The following DIAPH2 variants were observed in gnomAD, a reference collection of about 807,000 sequenced individuals.
DIAPH2 encodes protein diaphanous homolog 2.
In DIAPH2, 35 loss-of-function variants were observed where a neutral mutation model predicts 92.7. The ratio of observed to expected loss-of-function variants is 0.38; its 90% CI spans 0.29 to 0.50. The LOEUF (loss-of-function observed/expected upper bound fraction) is 0.50. Ranked by LOEUF, DIAPH2 falls within the 20% of genes least tolerant of loss-of-function variation. The probability of loss-of-function intolerance (pLI) is 0.94; values close to 1 mark genes in which losing one functional copy is unlikely to be tolerated. For synonymous variants in DIAPH2, 301 were observed against 280.4 expected (o/e 1.07, Z -0.73); for missense variants, 701 against 819.5 (o/e 0.86, Z 1.77).
intron 1 of DIAPH2, among the ~76,000 whole-genome samples, chrX:96,695,109 G>A (rs5949976): frequency 9.0e-6 from 1 of 110,808 alleles, no homozygotes; most frequent in Admixed American, 9.6e-5. Flanking sequence ...CACCCCACCC[G>A]GCTAATTTTT....
At chrX:97,480,163 T>G (rs889348961) in intron 26 of DIAPH2, among the ~76,000 whole-genome samples, 1 of 111,408 alleles carries the variant, frequency 9.0e-6, no homozygotes, top group African/African-American at 3.3e-5. Context: ...TGGATGAGGG[T>G]GCACCCTAAA....
intron 26 of DIAPH2, chrX:97,528,710 A>G (rs1298950906): frequency 3.6e-5 from 4 of 111,751 alleles, no homozygotes; most frequent in Non-Finnish European, 5.6e-5. Context: ...AAATTTCAAC[A>G]TGAGGTTTGG....
intron 23 of DIAPH2, among the ~76,000 whole-genome samples, chrX:97,265,262 T>C (rs1203416650): frequency 9.0e-6 from 1 of 111,672 alleles, no homozygotes; most frequent in Non-Finnish European, 1.9e-5. Context: ...AATCTAGTCA[T>C]TGCATGCAGA....
At chrX:97,484,443 A>G (rs2070673475) in intron 26 of DIAPH2, among the ~76,000 whole-genome samples, 1 of 112,507 alleles carries the variant, frequency 8.9e-6, no homozygotes, top group Admixed American at 9.4e-5. Context: ...GGTGATTCTA[A>G]TATCAATACA....
intron 3 of DIAPH2, among the ~76,000 whole-genome samples, chrX:96,750,825 G>C (rs1417664836): frequency 8.9e-6 from 1 of 112,473 alleles, no homozygotes; most frequent in Non-Finnish European, 1.9e-5. Context: ...CGTGTCTTCT[G>C]ATACGTCAGT....
chrX:97,125,766 G>C (rs1292488401), intron 21 of DIAPH2, among the ~76,000 whole-genome samples: 1 of 111,853 alleles, frequency 8.9e-6, no homozygotes, highest in African/African-American at 3.2e-5. Context: ...AATTAATGCT[G>C]TGTCACAGCT....
At chrX:97,420,605 G>A (rs1333622046) in intron 25 of DIAPH2, among the ~76,000 whole-genome samples, 1 of 111,854 alleles carries the variant, frequency 8.9e-6, no homozygotes, top group Non-Finnish European at 1.9e-5. Flanking sequence ...CTCTCTAACC[G>A]ACATTTTCCC....
At chrX:97,394,739 G>T (rs898540909) in intron 25 of DIAPH2, among the ~76,000 whole-genome samples, 7 of 112,098 alleles carry the variant, frequency 6.2e-5, no homozygotes, top group Non-Finnish European at 9.4e-5. Flanking sequence ...TGGGATAAAA[G>T]ATATTGAGAT....
At chrX:96,794,780 C>G (rs1284362793) in intron 4 of DIAPH2, among the ~76,000 whole-genome samples, 1 of 111,973 alleles carries the variant, frequency 8.9e-6, no homozygotes, top group Non-Finnish European at 1.9e-5. Flanking sequence ...AATTCATTGT[C>G]TCATAGTCCT....
chrX:96,987,005 A>AT (rs1159433154), intron 17 of DIAPH2, among the ~76,000 whole-genome samples: 1 of 111,183 alleles, frequency 9.0e-6, no homozygotes, highest in Non-Finnish European at 1.9e-5. Flanking sequence ...CAAAGATAAA[A>AT]TTTTTTTTAC....
At chrX:97,288,057 TG>T (rs755814718) in intron 23 of DIAPH2, among the ~76,000 whole-genome samples, 114 of 110,227 alleles carry the variant, frequency 1.0e-3, no homozygotes, top group Non-Finnish European at 1.8e-3. Context: ...TCTGTTTGAC[TG>T]AAAGAGTCTA....
chrX:97,020,622 G>A (rs1461666484), intron 17 of DIAPH2, among the ~76,000 whole-genome samples: 2 of 111,675 alleles, frequency 1.8e-5, no homozygotes, highest in African/African-American at 6.5e-5. Flanking sequence ...ATAAAATAGG[G>A]TTACTTGAAC....
At chrX:96,904,250 C>T (rs746136251) in intron 5 of DIAPH2, among the ~76,000 whole-genome samples, 6 of 112,053 alleles carry the variant, frequency 5.4e-5, no homozygotes, top group Admixed American at 9.5e-5. Context: ...CTATGAGTCA[C>T]ATGAAATAAA....
At chrX:96,768,932 C>G (rs180815160) in intron 4 of DIAPH2, among the ~76,000 whole-genome samples, 27 of 111,360 alleles carry the variant, frequency 2.4e-4, no homozygotes, top group African/African-American at 8.5e-4. Flanking sequence ...AGCCAGGAGC[C>G]CTGGAAGGGT....
chrX:97,374,394 T>C (rs1232453578), intron 24 of DIAPH2, among the ~76,000 whole-genome samples: 2 of 112,051 alleles, frequency 1.8e-5, no homozygotes, highest in Non-Finnish European at 1.9e-5. Context: ...TTGTTCAGTG[T>C]CTGTTACTGA....
chrX:96,880,673 A>G (rs2065207527), intron 4 of DIAPH2, among the ~76,000 whole-genome samples: 1 of 111,735 alleles, frequency 8.9e-6, no homozygotes, highest in Non-Finnish European at 1.9e-5. Context: ...AATTTTTATG[A>G]ACCTGTAAAA....
chrX:97,183,719 A>G (rs1307395302), intron 22 of DIAPH2, among the ~76,000 whole-genome samples: 1 of 112,337 alleles, frequency 8.9e-6, no homozygotes, highest in Non-Finnish European at 1.9e-5. Flanking sequence ...ACAAAATTCA[A>G]GCTGGATATT....
intron 26 of DIAPH2, among the ~76,000 whole-genome samples, chrX:97,451,688 T>TATATTTTTGAA: frequency 9.0e-6 from 1 of 111,663 alleles, no homozygotes; most frequent in African/African-American, 3.3e-5. Flanking sequence ...TATATTGAAC[T>TATATTTTTGAA]TACAGTTGCA....
intron 4 of DIAPH2, among the ~76,000 whole-genome samples, chrX:96,806,663 A>AAAAAAAAAAAAAAAAAAAACAAAAAAAC (rs2064628407): frequency 9.6e-6 from 1 of 104,134 alleles, no homozygotes; most frequent in Non-Finnish European, 2.0e-5. Flanking sequence ...AAAAAAAAAA[A>AAAAAAAAAAAAAAAAAAAACAAAAAAAC]AGAAACAAAG....
Sources: gnomAD v4.1 joint callset for allele counts (sites outside exome capture counted in the v4.1 genomes callset) on GRCh38, gnomAD v4.1.1 for gene constraint, MANE v1.5 for transcripts, NCBI Gene and HGNC (gene_info 2026-07-23, HGNC 2026-07-21) for gene names.